Variants in CORIN observed in about 807,000 individuals in gnomAD.
CORIN encodes atrial natriuretic peptide-converting enzyme.
A neutral mutation model predicts 125.3 loss-of-function variants in CORIN; 117 were observed. That is an observed-to-expected ratio of 0.93 (90% CI 0.80 to 1.09). CORIN has a LOEUF of 1.09. Ranked by LOEUF, CORIN falls within the 50% of genes least tolerant of loss-of-function variation. The pLI, the probability that CORIN is intolerant of heterozygous loss-of-function variation, is 0.00. For missense variants in CORIN, 1,253 were observed against 1,306.7 expected (o/e 0.96, Z 0.63); for synonymous variants, 450 against 466.4 (o/e 0.96, Z 0.45).
intron 2 of CORIN, among the ~76,000 whole-genome samples, chr4:47,789,620 A>G (rs1730974028): frequency 6.6e-6 from 1 of 152,236 alleles, no homozygotes; most frequent in African/African-American, 2.4e-5. Flanking sequence ...TATCTCTGGA[A>G]GCTGACCAAC....
At chr4:47,702,594 C>A (rs1726353793) in intron 5 of CORIN, among the ~76,000 whole-genome samples, 1 of 152,156 alleles carries the variant, frequency 6.6e-6, no homozygotes. Flanking sequence ...TTGTGGACTT[C>A]ATTCCAACTC....
At chr4:47,796,258 A>G (rs1731283442) in intron 2 of CORIN, among the ~76,000 whole-genome samples, 1 of 152,060 alleles carries the variant, frequency 6.6e-6, no homozygotes, top group African/African-American at 2.4e-5. Context: ...CATACACACA[A>G]TGGTATATCA....
At chr4:47,630,181 A>C (rs952922690) in intron 16 of CORIN, among the ~76,000 whole-genome samples, 1 of 152,234 alleles carries the variant, frequency 6.6e-6, no homozygotes, top group Non-Finnish European at 1.5e-5. Flanking sequence ...TGATTTTGGA[A>C]TAAATTCCTA....
At chr4:47,692,944 CA>C (rs1725833399) in intron 6 of CORIN, 25 bp downstream of exon 6, 1 of 1,552,248 alleles carries the variant, frequency 6.4e-7, no homozygotes, top group Non-Finnish European at 8.9e-7. Context: ...TCCACTCAGA[CA>C]AACCCTAAAC....
chr4:47,793,341 G>A (rs1255146394), intron 2 of CORIN, among the ~76,000 whole-genome samples: 1 of 152,166 alleles, frequency 6.6e-6, no homozygotes, highest in Non-Finnish European at 1.5e-5. Flanking sequence ...AATGGAAATG[G>A]CTGATATTGC....
At chr4:47,606,284 G>A (rs906731669) in intron 19 of CORIN, among the ~76,000 whole-genome samples, 6 of 151,702 alleles carry the variant, frequency 4.0e-5, no homozygotes, top group African/African-American at 1.2e-4. Context: ...TCAGGGTCTT[G>A]CTCTGTCACC....
chr4:47,692,958 C>T lies in CORIN; in HGVS notation c.913+12G>A, dbSNP rs1725834171. 6.3e-7 allele frequency: 1 copy of T among 1,588,488 alleles called. No individual in the cohort carries two copies. The highest frequency in any genetic ancestry group is 1.1e-5 in the South Asian group (1 of 90,482). ...GTCCACTCAGACAAACCCTAAACAG[C>T]TTGTCACATACTGCAATGAGCCTCG... On this transcript the variant is annotated intron_variant, in intron 6 of 21. Coordinates refer to ENST00000273857, the MANE Select transcript of CORIN (RefSeq NM_006587.4).
At chr4:47,674,230 G>A (rs1724903150) in intron 10 of CORIN, among the ~76,000 whole-genome samples, 163 bp downstream of exon 10, 1 of 152,196 alleles carries the variant, frequency 6.6e-6, no homozygotes, top group Non-Finnish European at 1.5e-5. Context: ...AAGACCATTT[G>A]GTTTCTTTAC....
At chr4:47,636,265 A>G (rs1020443080) in intron 16 of CORIN, among the ~76,000 whole-genome samples, 29 of 152,210 alleles carry the variant, frequency 1.9e-4, no homozygotes, top group African/African-American at 6.5e-4. Context: ...CCGATTATCT[A>G]ACTTTAGATA....
chr4:47,724,735 A>G (rs777829071), intron 5 of CORIN, among the ~76,000 whole-genome samples: 2 of 152,246 alleles, frequency 1.3e-5, no homozygotes, highest in Non-Finnish European at 2.9e-5. Flanking sequence ...TCATACAGAA[A>G]AAGCATTTGA....
intron 4 of CORIN, among the ~76,000 whole-genome samples, chr4:47,762,354 C>A (rs1372093905): frequency 3.9e-5 from 6 of 152,110 alleles, no homozygotes; most frequent in Admixed American, 3.9e-4. Flanking sequence ...GCAACTTATT[C>A]TTGTATTACT....
At chr4:47,748,179 T>C (rs1728748037) in intron 4 of CORIN, among the ~76,000 whole-genome samples, 2 of 152,186 alleles carry the variant, frequency 1.3e-5, no homozygotes, top group African/African-American at 4.8e-5. Context: ...GCAAAATGTG[T>C]AGTCATTTTT....
At chr4:47,789,314 T>C (rs1730962637) in intron 2 of CORIN, among the ~76,000 whole-genome samples, 1 of 151,972 alleles carries the variant, frequency 6.6e-6, no homozygotes, top group Non-Finnish European at 1.5e-5. Flanking sequence ...CAAAAATAAA[T>C]AAATAAATAA....
chr4:47,799,855 T>C (rs1731461206), intron 2 of CORIN, among the ~76,000 whole-genome samples: 1 of 152,186 alleles, frequency 6.6e-6, no homozygotes, highest in African/African-American at 2.4e-5. Flanking sequence ...AACCCAAATG[T>C]CTATCAATTG....
At chr4:47,816,441 TA>T (rs1410082532) in intron 1 of CORIN, among the ~76,000 whole-genome samples, 2 of 152,218 alleles carry the variant, frequency 1.3e-5, no homozygotes, top group Non-Finnish European at 2.9e-5. Flanking sequence ...AATGCTTATG[TA>T]ACATCTATTC....
chr4:47,677,268 G>C (rs747796557), intron 9 of CORIN, among the ~76,000 whole-genome samples: 47 of 152,174 alleles, frequency 3.1e-4, no homozygotes, highest in Admixed American at 9.2e-4. Flanking sequence ...GTAGCAGACC[G>C]AGGCTTGATC....
At chr4:47,642,970 A>G in intron 15 of CORIN, 176 bp downstream of exon 15, 1 of 1,536,586 alleles carries the variant, frequency 6.5e-7, no homozygotes, top group Non-Finnish European at 8.7e-7. Flanking sequence ...CTTCGTGGGG[A>G]AATTTTCTGT....
intron 2 of CORIN, among the ~76,000 whole-genome samples, chr4:47,789,795 C>A (rs552376363): frequency 8.6e-4 from 131 of 152,058 alleles, no homozygotes; most frequent in African/African-American, 3.0e-3. Context: ...CTGAGGCAGG[C>A]GCATCATGAG....
intron 1 of CORIN, among the ~76,000 whole-genome samples, chr4:47,818,810 C>T (rs978872001): frequency 6.7e-6 from 1 of 149,608 alleles, no homozygotes; most frequent in African/African-American, 2.5e-5. Context: ...GAAGTCAAGG[C>T]TGCAGTGAAA....
Sources: allele counts gnomAD v4.1 joint callset (sites outside exome capture counted in the v4.1 genomes callset), GRCh38; gene constraint gnomAD v4.1.1; transcripts MANE v1.5; gene names NCBI Gene and HGNC (gene_info 2026-07-23, HGNC 2026-07-21).